VGLL4: variants seen among roughly 807,000 people sequenced by gnomAD.
The protein encoded by VGLL4 is vestigial like family member 4, also known as transcription cofactor vestigial-like protein 4.
VGLL4 carries 7 observed loss-of-function variants against 21.0 expected under a neutral mutation model. The ratio of observed to expected loss-of-function variants is 0.33; its 90% CI spans 0.19 to 0.63. The LOEUF (loss-of-function observed/expected upper bound fraction) is 0.63. Among genes scored for constraint, VGLL4 ranks in the 20% least tolerant of loss-of-function variants. The pLI is 0.78. For missense variants in VGLL4, 394 were observed against 425.7 expected, an observed-to-expected ratio of 0.93 and a Z score of 0.66; for synonymous variants, 222 against 173.2, an observed-to-expected ratio of 1.28 and a Z score of -2.21.
chr3:11,704,399 A>AG (rs1559954640), intron 1 of VGLL4, among the ~76,000 whole-genome samples: 2 of 147,908 alleles, frequency 1.4e-5, no homozygotes, highest in East Asian at 3.9e-4. Context: ...AAAAAAAAAA[A>AG]AAAAAAGAAA....
At chr3:11,605,310 C>T (rs1303834880) in intron 1 of VGLL4, among the ~76,000 whole-genome samples, 1 of 124,548 alleles carries the variant, frequency 8.0e-6, no homozygotes, top group African/African-American at 3.3e-5. Context: ...ACCCCCAATC[C>T]TCCACAGCTC....
intron 2 of VGLL4, among the ~76,000 whole-genome samples, chr3:11,688,399 C>A (rs892090856): frequency 1.3e-5 from 2 of 152,166 alleles, no homozygotes; most frequent in East Asian, 3.8e-4. Context: ...ATGGGCCTCA[C>A]ATCTCTGACT....
intron 2 of VGLL4, among the ~76,000 whole-genome samples, chr3:11,700,262 AC>A (rs1269673356): frequency 1.3e-5 from 2 of 152,232 alleles, no homozygotes; most frequent in Non-Finnish European, 2.9e-5. Flanking sequence ...CCACTTAAAG[AC>A]ACAAAAGGTT....
chr3:11,679,682 C>CA lies in VGLL4; in HGVS notation c.64+23288dup, dbSNP rs1022710859. Reference sequence around the variant, plus strand: ...TGGGCGACAGAGCAACACTCTGGCTCAAAAAAAAGAAGAAACATGTTTATA... The same window carrying CA: ...TGGGCGACAGAGCAACACTCTGGCTCAAAAAAAAAGAAGAAACATGTTTATA... On this transcript the variant is annotated intron_variant, in intron 2 of 5. Transcript: ENST00000273038. Among the ~76,000 whole-genome samples the CA allele has an allele frequency of 9.6e-4, 142 of 147,544 alleles. 1 individual carries two copies. Among genetic ancestry groups the CA allele is most frequent in the Admixed American group, 2.8e-3 (41 of 14,806 alleles).
At chr3:11,630,682 A>G (rs1204936579) in intron 1 of VGLL4, among the ~76,000 whole-genome samples, 1 of 152,202 alleles carries the variant, frequency 6.6e-6, no homozygotes, top group East Asian at 1.9e-4. Context: ...AAAGATGTAG[A>G]GTTCCTGAAA....
At chr3:11,646,910 T>C (rs2075802404), upstream of VGLL4, among the ~76,000 whole-genome samples, 1 of 152,182 alleles carries the variant, frequency 6.6e-6, no homozygotes, top group South Asian at 2.1e-4. Flanking sequence ...AAAAGCTAGA[T>C]ACAGAAACGG....
intron 1 of VGLL4, among the ~76,000 whole-genome samples, chr3:11,630,801 GTATT>G (rs1559911638): frequency 6.6e-6 from 1 of 152,124 alleles, no homozygotes; most frequent in Non-Finnish European, 1.5e-5. Context: ...ATTCTACTAA[GTATT>G]TACCCAAAAG....
At chr3:11,700,489 G>A (rs1336165739) in intron 2 of VGLL4, among the ~76,000 whole-genome samples, 1 of 152,100 alleles carries the variant, frequency 6.6e-6, no homozygotes, top group Non-Finnish European at 1.5e-5. Flanking sequence ...GTCTTACAGT[G>A]GCTGCTCCCT....
At chr3:11,584,122 G>A (rs1336237355) in intron 2 of VGLL4, among the ~76,000 whole-genome samples, 1 of 152,140 alleles carries the variant, frequency 6.6e-6, no homozygotes, top group Non-Finnish European at 1.5e-5. Context: ...CAAAAATACA[G>A]TAAATAATGC....
intron 3 of VGLL4, among the ~76,000 whole-genome samples, chr3:11,560,748 C>T (rs556581006): frequency 4.6e-5 from 7 of 152,218 alleles, no homozygotes; most frequent in South Asian, 4.2e-4. Context: ...CTTAGTGGCC[C>T]GACACTTAGC....
chr3:11,579,834 A>G (rs1233082009), intron 2 of VGLL4, among the ~76,000 whole-genome samples: 2 of 152,024 alleles, frequency 1.3e-5, no homozygotes, highest in Non-Finnish European at 2.9e-5. Context: ...GTCATCACGC[A>G]TCACATCTGT....
intron 2 of VGLL4, among the ~76,000 whole-genome samples, chr3:11,670,883 C>CA (rs1436775988): frequency 6.6e-6 from 1 of 152,090 alleles, no homozygotes; most frequent in Admixed American, 6.6e-5. Flanking sequence ...ACTAAAAATA[C>CA]AAAATTAGCA....
Position 11,564,958 on chromosome 3 carries a change from C to CT in VGLL4, c.333_334insA (p.Glu112ArgfsTer101). 6.4e-7 allele frequency: 1 copy of CT among 1,559,680 alleles called. No individual in the cohort carries two copies. The highest frequency in any genetic ancestry group is 8.7e-7 in the Non-Finnish European group (1 of 1,153,610). ...CTCATGGTGGGGGCCACAGCGCGCT[C>CT]GATGGGGCTGCGGCTCCGCTCCCGG... On this transcript the variant is annotated frameshift_variant, in exon 3 of 5. Coordinates refer to ENST00000430365, the MANE Select transcript of VGLL4 (RefSeq NM_001128219.3). LOFTEE classifies it high-confidence loss of function.
At chr3:11,599,334 G>A (rs554205314) in intron 2 of VGLL4, among the ~76,000 whole-genome samples, 3 of 151,604 alleles carry the variant, frequency 2.0e-5, no homozygotes, top group South Asian at 4.2e-4. Context: ...CCTGGCTGGT[G>A]TAAGGGAGTC....
intron 1 of VGLL4, among the ~76,000 whole-genome samples, chr3:11,717,127 C>A (rs115161126): frequency 6.6e-6 from 1 of 151,476 alleles, no homozygotes; most frequent in African/African-American, 2.4e-5. Flanking sequence ...CTGTAAACAA[C>A]TGTGCTTTTT....
At chr3:11,627,244 T>TCTCTCTCTCC in intron 1 of VGLL4, 2 of 133,728 alleles carry the variant, frequency 1.5e-5, no homozygotes, top group South Asian at 2.6e-4. Context: ...TCTCTCTCTC[T>TCTCTCTCTCC]CTCTCTGTCG....
intron 2 of VGLL4, among the ~76,000 whole-genome samples, chr3:11,693,963 C>A (rs988206839): frequency 6.6e-6 from 1 of 152,106 alleles, no homozygotes. Context: ...CAGAGAATTA[C>A]GCGCTTAGGT....
chr3:11,614,817 G>A (rs953121904), intron 1 of VGLL4, among the ~76,000 whole-genome samples: 2 of 152,192 alleles, frequency 1.3e-5, no homozygotes, highest in South Asian at 2.1e-4. Flanking sequence ...CAAGTAAAGC[G>A]AGTAACTTAA....
chr3:11,563,639 C>G (rs955328569), intron 3 of VGLL4, among the ~76,000 whole-genome samples: 1 of 152,176 alleles, frequency 6.6e-6, no homozygotes, highest in Non-Finnish European at 1.5e-5. Context: ...AACTTGGCCT[C>G]GGGTTCCATC....
Sources: allele counts gnomAD v4.1 joint callset (sites outside exome capture counted in the v4.1 genomes callset), GRCh38; gene constraint gnomAD v4.1.1; transcripts MANE v1.5; gene names NCBI Gene and HGNC (gene_info 2026-07-23, HGNC 2026-07-21).